The following SEMA3A variants were observed in gnomAD, a reference collection of about 807,000 sequenced individuals.
SEMA3A encodes semaphorin 3A, also known as semaphorin-3A.
A neutral mutation model predicts 97.9 loss-of-function variants in SEMA3A; 29 were observed. That is an observed-to-expected ratio of 0.30 (90% CI 0.22 to 0.40). The LOEUF (loss-of-function observed/expected upper bound fraction) is 0.40, where lower values mean the gene tolerates loss of function less well. Ranked by LOEUF, SEMA3A falls within the 10% of genes least tolerant of loss-of-function variation. The probability of loss-of-function intolerance (pLI) is 1.00; values close to 1 mark genes in which losing one functional copy is unlikely to be tolerated. For missense variants in SEMA3A, 763 were observed against 951.3 expected, an observed-to-expected ratio of 0.80 and a Z score of 2.60; for synonymous variants, 321 against 323.7, an observed-to-expected ratio of 0.99 and a Z score of 0.09.
At chr7:84,117,764 G>A (rs1202987760) in intron 3 of SEMA3A, among the ~76,000 whole-genome samples, 1 of 152,126 alleles carries the variant, frequency 6.6e-6, no homozygotes, top group Non-Finnish European at 1.5e-5. Flanking sequence ...GGGAACCACT[G>A]CTTTAAAGTC....
intron 1 of SEMA3A, among the ~76,000 whole-genome samples, chr7:84,376,121 T>C (rs1258527973): frequency 1.3e-5 from 2 of 152,188 alleles, no homozygotes; most frequent in Admixed American, 6.5e-5. Context: ...GCTGATTCCA[T>C]ATCTAGGCTA....
intron 3 of SEMA3A, among the ~76,000 whole-genome samples, chr7:84,215,438 C>A (rs542421245): frequency 7.2e-5 from 11 of 152,138 alleles, no homozygotes; most frequent in Admixed American, 2.6e-4. Context: ...TCCGCCCCCC[C>A]CTTGGCCTCC....
intron 3 of SEMA3A, chr7:84,306,616 A>G (rs1801161871): frequency 6.6e-6 from 1 of 152,178 alleles, no homozygotes; most frequent in Admixed American, 6.5e-5. Context: ...AGAAACCTTT[A>G]TGGTTGAAAA....
intron 1 of SEMA3A, among the ~76,000 whole-genome samples, chr7:84,453,260 C>T (rs1261833777): frequency 1.4e-5 from 2 of 140,184 alleles, no homozygotes; most frequent in Admixed American, 7.4e-5. Flanking sequence ...TTTTTTGAGA[C>T]GGAGTCTCGC....
chr7:84,403,590 C>T (rs1452283802), intron 1 of SEMA3A, among the ~76,000 whole-genome samples: 4 of 152,210 alleles, frequency 2.6e-5, no homozygotes, highest in Non-Finnish European at 5.9e-5. Flanking sequence ...AACGGGCAGA[C>T]TGCCTCCTCA....
chr7:84,241,434 T>TC (rs1799362745), intron 3 of SEMA3A, among the ~76,000 whole-genome samples: 1 of 152,164 alleles, frequency 6.6e-6, no homozygotes, highest in South Asian at 2.1e-4. Flanking sequence ...TATCCTTGGC[T>TC]CACTTTTTGA....
intron 2 of SEMA3A, among the ~76,000 whole-genome samples, chr7:84,355,838 TGTAA>T (rs1465924224): frequency 6.6e-6 from 1 of 151,894 alleles, no homozygotes; most frequent in African/African-American, 2.4e-5. Context: ...AAGATCTATT[TGTAA>T]GTGCCTGAGA....
chr7:84,156,495 A>G (rs1796848909), intron 1 of SEMA3A, among the ~76,000 whole-genome samples: 1 of 152,122 alleles, frequency 6.6e-6, no homozygotes, highest in African/African-American at 2.4e-5. Flanking sequence ...TTATTGTTTC[A>G]TAATTGAGTA....
chr7:84,023,611 GC>G (rs1791405825), intron 6 of SEMA3A, among the ~76,000 whole-genome samples: 1 of 152,170 alleles, frequency 6.6e-6, no homozygotes, highest in African/African-American at 2.4e-5. Flanking sequence ...AGGTTGCAGA[GC>G]AGGGAAGGCG....
At chr7:84,155,055 T>G (rs903272275) in intron 1 of SEMA3A, among the ~76,000 whole-genome samples, 18 of 152,144 alleles carry the variant, frequency 1.2e-4, no homozygotes, top group Non-Finnish European at 1.8e-4. Context: ...TGACAGTAGC[T>G]AATTTAATTC....
intron 1 of SEMA3A, among the ~76,000 whole-genome samples, chr7:84,395,621 G>T (rs908499086): frequency 1.3e-5 from 2 of 151,940 alleles, no homozygotes; most frequent in African/African-American, 4.8e-5. Flanking sequence ...CATGGGGGTG[G>T]TTTCCCCCAT....
chr7:84,134,029 C>A (rs1796046810), intron 2 of SEMA3A, among the ~76,000 whole-genome samples: 1 of 151,936 alleles, frequency 6.6e-6, no homozygotes, highest in Non-Finnish European at 1.5e-5. Context: ...CCACTGCACT[C>A]CAGCCTGGGC....
intron 2 of SEMA3A, among the ~76,000 whole-genome samples, chr7:84,312,872 TTATATATATA>T (rs377261705): frequency 0.019 from 923 of 48,800 alleles, 57 homozygotes; most frequent in African/African-American, 0.079. Flanking sequence ...TGGTGTTGTT[TTATATATATA>T]TATATATATA....
At chr7:84,042,301 A>G (rs1307800069) in intron 6 of SEMA3A, among the ~76,000 whole-genome samples, 1 of 152,094 alleles carries the variant, frequency 6.6e-6, no homozygotes, top group African/African-American at 2.4e-5. Flanking sequence ...TAGTCTATCT[A>G]CAGGCACGAT....
At chr7:84,137,111 C>T (rs1336331659) in intron 1 of SEMA3A, among the ~76,000 whole-genome samples, 1 of 151,884 alleles carries the variant, frequency 6.6e-6, no homozygotes, top group East Asian at 1.9e-4. Flanking sequence ...ATTGAAATGG[C>T]ATTTATTGGC....
intron 6 of SEMA3A, among the ~76,000 whole-genome samples, chr7:84,017,798 T>C (rs1182794694): frequency 2.0e-5 from 3 of 152,150 alleles, no homozygotes; most frequent in Admixed American, 6.5e-5. Context: ...CCCTCACTGA[T>C]GAATCACCTC....
intron 14 of SEMA3A, among the ~76,000 whole-genome samples, chr7:83,980,934 C>A (rs533792198): frequency 6.6e-6 from 1 of 152,072 alleles, no homozygotes; most frequent in Admixed American, 6.5e-5. Flanking sequence ...TGTGTACTAC[C>A]TAAGACTCTA....
intron 3 of SEMA3A, among the ~76,000 whole-genome samples, chr7:84,297,904 A>C (rs569261753): frequency 6.6e-6 from 1 of 152,186 alleles, no homozygotes; most frequent in African/African-American, 2.4e-5. Flanking sequence ...ACCTATGGTA[A>C]TAGGAGGACA....
chr7:84,413,866 T>C (rs1342222817), intron 1 of SEMA3A, among the ~76,000 whole-genome samples: 2 of 152,182 alleles, frequency 1.3e-5, no homozygotes, highest in African/African-American at 2.4e-5. Flanking sequence ...CATTTTTACA[T>C]GCCAGGACAT....
Sources: allele counts gnomAD v4.1 joint callset (sites outside exome capture counted in the v4.1 genomes callset), GRCh38; gene constraint gnomAD v4.1.1; transcripts MANE v1.5; gene names NCBI Gene and HGNC (gene_info 2026-07-23, HGNC 2026-07-21).